Variants in HBP1 observed in about 807,000 individuals in gnomAD.
HBP1 encodes HMG box-containing protein 1.
In HBP1, 20 loss-of-function variants were observed where a neutral mutation model predicts 62.6. That is an observed-to-expected ratio of 0.32 (90% CI 0.22 to 0.46). The LOEUF is 0.46. Among genes scored for constraint, HBP1 ranks in the 20% least tolerant of loss-of-function variants. The pLI, the probability that HBP1 is intolerant of heterozygous loss-of-function variation, is 1.00. For synonymous variants in HBP1, 232 were observed against 206.2 expected (o/e 1.12, Z -1.07); for missense variants, 480 against 611.8 (o/e 0.78, Z 2.27).
chr7:107,201,494 T>TA lies in HBP1; in HGVS notation c.*65dup. The TA allele has an allele frequency of 9.5e-7, 1 of 1,051,726 alleles. No individual in the cohort carries two copies. Among genetic ancestry groups the TA allele is most frequent in the Non-Finnish European group, 1.5e-6 (1 of 678,714 alleles). The allele number at this position is 1,051,726 out of a possible 1,614,324, so 65.1% of individuals were successfully genotyped here. On this transcript the variant is annotated 3_prime_UTR_variant, in exon 11 of 11. Transcript: ENST00000222574. ...TACATTGACTCTTGATGGAAAGACT[T>TA]AAGAAGATCAAGGTCTCACCATTTG...
At chr7:107,189,470 T>C (rs1197217279) in intron 7 of HBP1, 22 bp downstream of exon 7, 2 of 1,563,806 alleles carry the variant, frequency 1.3e-6, no homozygotes, top group Admixed American at 1.9e-5. Flanking sequence ...ATTGCATTTG[T>C]AGTAACTTTT....
chr7:107,177,021 A>C, intron 1 of HBP1, among the ~76,000 whole-genome samples: 1 of 152,166 alleles, frequency 6.6e-6, no homozygotes, highest in East Asian at 1.9e-4. Context: ...CTGAATAGCT[A>C]TCTGGTTTCC....
intron 1 of HBP1, among the ~76,000 whole-genome samples, chr7:107,171,785 G>C (rs1584470928): frequency 6.6e-6 from 1 of 151,086 alleles, no homozygotes; most frequent in African/African-American, 2.4e-5. Flanking sequence ...GCTTGAACCC[G>C]GGAGGCAGAG....
intron 6 of HBP1, among the ~76,000 whole-genome samples, chr7:107,187,158 C>G (rs753936232): frequency 2.6e-5 from 4 of 152,024 alleles, no homozygotes; most frequent in Non-Finnish European, 5.9e-5. Context: ...GAGGCTGAGG[C>G]AGGAGAATGG....
intron 9 of HBP1, chr7:107,197,023 A>G (rs1357587948): frequency 6.6e-6 from 1 of 152,218 alleles, no homozygotes; most frequent in East Asian, 1.9e-4. Flanking sequence ...TGTACGGGGA[A>G]CTGGCAATTT....
At chr7:107,171,010 TG>T (rs1029809761) in intron 1 of HBP1, among the ~76,000 whole-genome samples, 5 of 143,654 alleles carry the variant, frequency 3.5e-5, no homozygotes, top group Non-Finnish European at 7.5e-5. Flanking sequence ...AACATATACA[TG>T]TATATATATA....
chr7:107,179,826 C>T, intron 1 of HBP1, 53 bp from the exon 2 acceptor site: 3 of 1,185,326 alleles, frequency 2.5e-6, no homozygotes, highest in Non-Finnish European at 3.7e-6. Context: ...GGTTTGTGTA[C>T]TGCCCAAATT....
intron 9 of HBP1, among the ~76,000 whole-genome samples, chr7:107,199,048 T>A (rs1483380294): frequency 6.6e-6 from 1 of 152,170 alleles, no homozygotes; most frequent in Non-Finnish European, 1.5e-5. Context: ...GTTTTTTTTT[T>A]AATGGGTTCT....
chr7:107,175,769 T>C (rs1276128104), intron 1 of HBP1, among the ~76,000 whole-genome samples: 2 of 150,346 alleles, frequency 1.3e-5, no homozygotes, highest in African/African-American at 4.9e-5. Context: ...CAGGCTGGAA[T>C]GCAGTGGCGC....
chr7:107,177,904 G>A (rs892600291), intron 1 of HBP1, among the ~76,000 whole-genome samples: 25 of 151,652 alleles, frequency 1.6e-4, no homozygotes, highest in Admixed American at 4.6e-4. Context: ...TTTCTAGTCA[G>A]GAATACATTT....
At chr7:107,193,155 G>C (rs1797735524) in intron 8 of HBP1, 1 of 152,076 alleles carries the variant, frequency 6.6e-6, no homozygotes, top group African/African-American at 2.4e-5. Context: ...GGCCTCAGGC[G>C]GGTTTAAAAC....
At chr7:107,177,200 G>T (rs1366519953) in intron 1 of HBP1, among the ~76,000 whole-genome samples, 1 of 152,116 alleles carries the variant, frequency 6.6e-6, no homozygotes, top group Non-Finnish European at 1.5e-5. Context: ...GGAGAGTAGG[G>T]CAGGTATCAT....
At chr7:107,183,968 C>G (rs1194503699) in intron 3 of HBP1, among the ~76,000 whole-genome samples, 1 of 152,136 alleles carries the variant, frequency 6.6e-6, no homozygotes, top group East Asian at 1.9e-4. Context: ...TATATTACCC[C>G]TGAATAGAGA....
At chr7:107,194,623 T>A (rs542869927) in intron 8 of HBP1, among the ~76,000 whole-genome samples, 2 of 152,358 alleles carry the variant, frequency 1.3e-5, no homozygotes, top group Admixed American at 1.3e-4. Flanking sequence ...TGTTTCCATC[T>A]ATCTTTAGAA....
Position 107,185,898 on chromosome 7 carries a change from C to A in HBP1, c.496C>A (p.Pro166Thr). The change falls in exon 4 of 11, where the codon CCT (proline) becomes ACT (threonine). Residue 166 changes from proline to threonine, a missense_variant. By Grantham distance (38) the Pro-to-Thr change is conservative. Transcript: ENST00000222574. ...TTCTTCGAAGAGTGAACCAGCCTTC[C>A]CTCATCACCATTGGAAGGAGGAAAC... ...SSSSKSEPAF[P>T]HHHWKEETPV... 6.2e-7 allele frequency: 1 copy of A among 1,612,704 alleles called. No homozygotes were observed. Among genetic ancestry groups the A allele is most frequent in the Non-Finnish European group, 8.5e-7 (1 of 1,178,684 alleles).
intron 1 of HBP1, among the ~76,000 whole-genome samples, chr7:107,174,950 C>G (rs1796762242): frequency 6.6e-6 from 1 of 152,016 alleles, no homozygotes; most frequent in Non-Finnish European, 1.5e-5. Context: ...GTTTAAAGAA[C>G]TCACATAGTA....
intron 3 of HBP1, 111 bp downstream of exon 3, chr7:107,182,712 G>T: frequency 8.3e-6 from 5 of 604,516 alleles, no homozygotes; most frequent in Non-Finnish European, 1.4e-5. Context: ...TAGAATTTAA[G>T]TCATTAGAAT....
chr7:107,189,239 A>G, intron 6 of HBP1, 53 bp from the exon 7 acceptor site: 3 of 1,450,310 alleles, frequency 2.1e-6, no homozygotes, highest in Non-Finnish European at 2.9e-6. Flanking sequence ...GGAACTTCAC[A>G]GTGTTTTGAA....
At chr7:107,184,091 AT>A (rs1256569097) in intron 3 of HBP1, among the ~76,000 whole-genome samples, 2 of 152,194 alleles carry the variant, frequency 1.3e-5, no homozygotes, top group African/African-American at 2.4e-5. Flanking sequence ...CTTCATTTTT[AT>A]TTATTTTTAC....
Sources: gnomAD v4.1 joint callset for allele counts (sites outside exome capture counted in the v4.1 genomes callset) on GRCh38, gnomAD v4.1.1 for gene constraint, MANE v1.5 for transcripts, NCBI Gene and HGNC (gene_info 2026-07-23, HGNC 2026-07-21) for gene names.